Variants in FHIP2B observed in about 807,000 individuals in gnomAD.
FHIP2B encodes FHF complex subunit HOOK interacting protein 2B.
In FHIP2B, 72 loss-of-function variants were observed where a neutral mutation model predicts 84.0. The ratio of observed to expected loss-of-function variants is 0.86; its 90% confidence interval spans 0.71 to 1.04. The LOEUF (loss-of-function observed/expected upper bound fraction) is 1.04, where lower values mean the gene tolerates loss of function less well. FHIP2B is among the 50% of genes least tolerant of loss of function. FHIP2B has a pLI of 0.00. For missense variants in FHIP2B, 972 were observed against 968.9 expected (o/e 1.00, Z -0.04); for synonymous variants, 497 against 418.7 (o/e 1.19, Z -2.28).
chr8:22,098,844 A>C, intron 7 of FHIP2B, 104 bp from the exon 8 acceptor site: 2 of 1,066,986 alleles, frequency 1.9e-6, no homozygotes, highest in Non-Finnish European at 2.8e-6. Flanking sequence ...CCCCAGCCAC[A>C]GAGGTTCCAC....
chr8:22,096,591 T>C (rs1257931536), intron 3 of FHIP2B, 82 bp downstream of exon 3: 133 of 1,373,542 alleles, frequency 9.7e-5, no homozygotes, highest in Non-Finnish European at 1.1e-4. Flanking sequence ...GAGGCCTCTG[T>C]GCGCTGGGCC....
In FHIP2B at chr8:22,097,745, C is replaced by T. The variant is rs1489215097; in HGVS notation, c.431C>T (p.Ser144Phe). The change falls in exon 5 of 17, where the codon TCC becomes TTC. Residue 144 changes from serine to phenylalanine, a missense_variant. By Grantham distance (155) the Ser-to-Phe change is radical. Transcript: ENST00000289921. ...CTCCTCCGACTTGGTGGGACTGCTT[C>T]CGGATCCGTTACAGAAAAGGAGGAG... is the stretch of plus-strand genomic sequence containing the variant. ...QKLLRLGGTA[S>F]GSVTEKEEVQ... is the part of the protein sequence containing the mutation. 6 of 1,613,230 alleles carry T rather than the reference C, an allele frequency of 3.7e-6. No individual in the cohort carries two copies.
At position 22,096,328 on chromosome 8, in the gene FHIP2B, C is replaced by T. The variant is rs1271895494; in HGVS notation, c.125-9C>T. On this transcript the variant is annotated splice_polypyrimidine_tract_variant and intron_variant, in intron 2 of 16. Transcript: ENST00000289921. ...ACCCTACTCACCCTTGTTTCCCAAA[C>T]ATCATTAGATGAAAGCACCCCCGCC... The T allele has an allele frequency of 1.5e-5, 23 of 1,542,038 alleles. No homozygotes were observed. Among genetic ancestry groups the T allele is most frequent in the Middle Eastern group, 1.7e-4 (1 of 5,954 alleles).
chr8:22,099,747 A>G lies in FHIP2B; in HGVS notation c.1195A>G (p.Met399Val). 6.2e-7 allele frequency: 1 copy of G among 1,606,482 alleles called. No homozygotes were observed. The change falls in exon 10 of 17, where the codon ATG (methionine) becomes GTG (valine). Residue 399 changes from methionine (M) to valine (V), a missense_variant. Physicochemically the swap from Met to Val is conservative, Grantham distance 21 (BLOSUM62 1). Transcript: ENST00000289921. ...GACCTCCACCGCCCTCCTCACAGCC[A>G]TGCTGCGCCAGCTTCGCTCCCCTGC... ...ILTSTALLTA[M>V]LRQLRSPALL...
rs1489905723 is a variant in FHIP2B at position 22,096,514 on chromosome 8, G to A, written c.297+5G>A. The A allele has an allele frequency of 6.6e-7, 1 of 1,525,992 alleles. No homozygotes were observed. The highest frequency in any genetic ancestry group is 8.8e-7 in the Non-Finnish European group (1 of 1,130,882). The allele number at this position is 1,525,992 out of a possible 1,614,324, so 94.5% of individuals were successfully genotyped here. ...TGCACGCTGGGCAAGGCCGAGGTGGGAGGCCCTCTGCGCGCTGGGCCAGGC... is the reference window on the plus strand; with the variant it reads ...TGCACGCTGGGCAAGGCCGAGGTGGAAGGCCCTCTGCGCGCTGGGCCAGGC... On this transcript the variant is annotated splice_donor_5th_base_variant and intron_variant, in intron 3 of 16. Transcript: ENST00000289921.
intron 5 of FHIP2B, 65 bp downstream of exon 5, chr8:22,097,904 C>T: frequency 5.7e-6 from 9 of 1,587,096 alleles, no homozygotes; most frequent in South Asian, 1.1e-5. Flanking sequence ...CCCCTCTGCC[C>T]TCCTGAGGAG....
intron 13 of FHIP2B, 36 bp from the exon 14 acceptor site, chr8:22,101,672 C>G (rs772106589): frequency 1.3e-6 from 2 of 1,584,174 alleles, no homozygotes; most frequent in South Asian, 1.1e-5. Flanking sequence ...TTCCCAGTCC[C>G]CAGGCCCACT....
rs905203454 is a variant in FHIP2B, at chr8:22,102,625, A to T, written c.2090A>T (p.Glu697Val). 2 of 1,562,576 alleles carry T rather than the reference A, an allele frequency of 1.3e-6. No individual in the cohort carries two copies. Among genetic ancestry groups the T allele is most frequent in the African/African-American group, 2.7e-5 (2 of 73,694 alleles). The change falls in exon 16 of 17, where the codon GAG (glutamate) becomes GTG (valine). Residue 697 changes from glutamate to valine, a missense_variant. By Grantham distance (121) the Glu-to-Val change is moderately radical. Coordinates refer to ENST00000289921, the MANE Select transcript of FHIP2B (RefSeq NM_022749.7). Reference sequence around the variant, plus strand: ...CAGTTGACGGGCCAGGCTCCTGGGGAGCAGTGAGTACCAAGGGTGCCAGGT... The same window carrying T: ...CAGTTGACGGGCCAGGCTCCTGGGGTGCAGTGAGTACCAAGGGTGCCAGGT... Reference protein sequence around the residue: ...RKQLTGQAPGEQLDHQTLLQG... With the variant: ...RKQLTGQAPGVQLDHQTLLQG...
chr8:22,097,571 A>G lies in FHIP2B; in HGVS notation c.353A>G (p.Gln118Arg), dbSNP rs1825842904. The G allele has an allele frequency of 1.2e-6, 2 of 1,610,450 alleles. No individual in the cohort carries two copies. Among genetic ancestry groups the G allele is most frequent in the East Asian group, 4.5e-5 (2 of 44,722 alleles). Reference sequence around the variant, plus strand: ...CAGTTCTTCAGCAAGGTTCTGGCGCAGGTGCAGCACCCCCTGCTGCATTAC... The same window carrying G: ...CAGTTCTTCAGCAAGGTTCTGGCGCGGGTGCAGCACCCCCTGCTGCATTAC... ...VFQFFSKVLAQVQHPLLHYLS... is the reference protein window; with the variant it reads ...VFQFFSKVLARVQHPLLHYLS... Residue 118 changes from glutamine (Q) to arginine (R), a missense_variant, in exon 4 of 17, where the codon CAG (glutamine) becomes CGG (arginine). By Grantham distance (43) the Gln-to-Arg change is conservative. Transcript: ENST00000289921.
chr8:22,090,782 G>A lies in FHIP2B; in HGVS notation c.45+1484G>A, dbSNP rs190445318. Among the ~76,000 whole-genome samples the A allele has an allele frequency of 2.9e-3, 444 of 152,108 alleles. 2 individuals are homozygous for A. Among genetic ancestry groups the A allele is most frequent in the Non-Finnish European group, 4.2e-3 (285 of 68,002 alleles). On this transcript the variant is annotated intron_variant, in intron 1 of 16. Transcript: ENST00000289921. ...TGGGACTACAGGCATGCGGCACCACGCCAGGCTAATTTTTGTATTTTTTGT... is the reference window on the plus strand; with the variant it reads ...TGGGACTACAGGCATGCGGCACCACACCAGGCTAATTTTTGTATTTTTTGT...
chr8:22,093,607 A>T lies in FHIP2B; in HGVS notation c.46-833A>T, dbSNP rs78688431. ...GTTATAAGGAAGGCACATTGTTAAT[A>T]TCATGCTAATGTTACCTACCCTTCC... On this transcript the variant is annotated intron_variant, in intron 1 of 16. Transcript: ENST00000289921. 2.2e-4 allele frequency among the ~76,000 whole-genome samples: 33 copies of T among 150,662 alleles called. No individual in the cohort carries two copies. In the East Asian group the frequency reaches 6.5e-3, roughly 30 times the overall value.
Position 22,099,340 on chromosome 8 carries a change from G to C in FHIP2B, c.1131G>C (p.Leu377=). Residue 377 remains leucine, a synonymous_variant, in exon 9 of 17, where the codon CTG becomes CTC. Coordinates refer to ENST00000289921, the MANE Select transcript of FHIP2B (RefSeq NM_022749.7). ...AVAENFFVET[L]QPQLLHVSEQ... is the part of the protein sequence containing the mutation. The stretch of plus-strand genomic sequence containing the variant: ...CTGAGAACTTCTTCGTGGAGACCCT[G>C]CAGCCCCAGCTCCTGCACGTGTAAG... 1.2e-6 allele frequency: 2 copies of C among 1,613,698 alleles called. No individual in the cohort carries two copies.
intron 2 of FHIP2B, 27 bp downstream of exon 2, chr8:22,094,545 G>C (rs1486570185): frequency 6.2e-7 from 1 of 1,608,182 alleles, no homozygotes; most frequent in African/African-American, 1.3e-5. Context: ...CCCAGCCCAG[G>C]GACCCTGGAG....
At chr8:22,102,360 G>A (rs950514624) in intron 15 of FHIP2B, 45 bp downstream of exon 15, 9 of 1,603,736 alleles carry the variant, frequency 5.6e-6, no homozygotes, top group African/African-American at 2.7e-5. Flanking sequence ...TGAGGTGGAG[G>A]GGACATCAGG....
In FHIP2B at chr8:22,104,831, T is replaced by TAAAAAAAAAAAAAAAAAAAA. The variant is rs60525064; in HGVS notation, c.*1918_*1919insAAAAAAAAAAAAAAAAAAAA. 152 of 126,448 alleles carry TAAAAAAAAAAAAAAAAAAAA rather than the reference T, an allele frequency of 1.2e-3. No individual in the cohort carries two copies. Among genetic ancestry groups the TAAAAAAAAAAAAAAAAAAAA allele is most frequent in the East Asian group, 4.1e-3 (18 of 4,396 alleles). The allele number at this position is 126,448 out of a possible 1,614,324, so 7.8% of individuals were successfully genotyped here. ...CTGGGCAATAGAGTAAGACCCTGTCTAAAAAAAAAAAAAAAAAATTTCACA... is the reference window on the plus strand; with the variant it reads ...CTGGGCAATAGAGTAAGACCCTGTCTAAAAAAAAAAAAAAAAAAAAAAAAAAAAAAAAAAAAAATTTCACA... On this transcript the variant is annotated 3_prime_UTR_variant, in exon 17 of 17. Transcript: ENST00000289921.
chr8:22,097,282 T>TG (rs1297339252), intron 3 of FHIP2B, among the ~76,000 whole-genome samples: 2 of 151,716 alleles, frequency 1.3e-5, no homozygotes, highest in African/African-American at 4.9e-5. Context: ...GTGTTCCAGG[T>TG]GGGGGACACA....
intron 15 of FHIP2B, 76 bp from the exon 16 acceptor site, chr8:22,102,452 C>T: frequency 6.6e-7 from 1 of 1,525,344 alleles, no homozygotes; most frequent in Non-Finnish European, 8.9e-7. Context: ...CTCCCATGCT[C>T]TGCATGGTGT....
chr8:22,091,240 CTTTTTTTTTTTTTTT>C lies in FHIP2B; in HGVS notation c.45+1957_45+1971del, dbSNP rs71204535. ...TCTAACAGATTAGGAATCATTACAG[CTTTTTTTTTTTTTTT>C]TTTTTTTTTTTTTTAAGATGGAGTC... On this transcript the variant is annotated intron_variant, in intron 1 of 16. Coordinates refer to ENST00000289921, the MANE Select transcript of FHIP2B (RefSeq NM_022749.7). 4.6e-3 allele frequency among the ~76,000 whole-genome samples: 536 copies of C among 117,630 alleles called. 7 individuals are homozygous for C. The highest frequency in any genetic ancestry group is 0.033 in the East Asian group (129 of 3,928). The allele number at this position is 117,630 out of a possible 152,430, so 77.2% of individuals were successfully genotyped here.
chr8:22,098,467 G>A lies in FHIP2B; in HGVS notation c.813G>A (p.Leu271=), dbSNP rs974430189. ...AGGCCCAGGAGAACCTGCTGCTCCTGGTGAGCATGGCCTCCCCAGCAGCTG... is the reference window on the plus strand; with the variant it reads ...AGGCCCAGGAGAACCTGCTGCTCCTAGTGAGCATGGCCTCCCCAGCAGCTG... The part of the protein sequence containing the change: ...ALKAQENLLL[L]VSMASPAAAT... The change falls in exon 7 of 17, where the codon CTG becomes CTA. Residue 271 remains leucine, a synonymous_variant. Coordinates refer to ENST00000289921, the MANE Select transcript of FHIP2B (RefSeq NM_022749.7). 7 of 1,610,408 alleles carry A rather than the reference G, an allele frequency of 4.3e-6. No homozygotes were observed. In the African/African-American group the frequency reaches 9.4e-5, roughly 22 times the overall value.
Sources: gnomAD v4.1 joint callset for allele counts (sites outside exome capture counted in the v4.1 genomes callset) on GRCh38, gnomAD v4.1.1 for gene constraint, MANE v1.5 for transcripts, NCBI Gene and HGNC (gene_info 2026-07-23, HGNC 2026-07-21) for gene names.